FBXL17: variants seen among roughly 807,000 people sequenced by gnomAD.
The protein encoded by FBXL17 is F-box and leucine rich repeat protein 17.
A neutral mutation model predicts 66.2 loss-of-function variants in FBXL17; 22 were observed. The observed-to-expected ratio is 0.33, with a 90% confidence interval of 0.24 to 0.47. The LOEUF is 0.47. Ranked by LOEUF, FBXL17 falls within the 20% of genes least tolerant of loss-of-function variation. FBXL17 has a pLI of 1.00. For missense variants in FBXL17, 878 were observed against 948.2 expected, an observed-to-expected ratio of 0.93 and a Z score of 0.97; for synonymous variants, 474 against 400.5, an observed-to-expected ratio of 1.18 and a Z score of -2.19.
At chr5:108,236,971 T>C (rs370221601) in intron 4 of FBXL17, among the ~76,000 whole-genome samples, 19 of 152,284 alleles carry the variant, frequency 1.2e-4, no homozygotes, top group African/African-American at 4.3e-4. Flanking sequence ...GTTAGGAGTC[T>C]GTGGAATAGT....
At chr5:108,377,237 A>C (rs570332521) in intron 1 of FBXL17, among the ~76,000 whole-genome samples, 30 of 152,240 alleles carry the variant, frequency 2.0e-4, no homozygotes, top group African/African-American at 7.0e-4. Flanking sequence ...TCTCCCCTAC[A>C]CATGTGCATA....
At chr5:108,181,434 CA>C (rs1260930589) in intron 6 of FBXL17, among the ~76,000 whole-genome samples, 3 of 152,008 alleles carry the variant, frequency 2.0e-5, no homozygotes, top group Admixed American at 6.6e-5. Flanking sequence ...TCTCTAAACA[CA>C]AAAAGTGCTT....
chr5:107,990,180 C>A (rs768814596), intron 7 of FBXL17, among the ~76,000 whole-genome samples: 3 of 152,180 alleles, frequency 2.0e-5, no homozygotes, highest in Admixed American at 6.5e-5. Flanking sequence ...CCCTAACATT[C>A]CTTTTTCTTT....
chr5:108,298,146 G>A (rs1420353785), intron 4 of FBXL17: 1 of 971,822 alleles, frequency 1.0e-6, no homozygotes, highest in Non-Finnish European at 1.2e-6. Flanking sequence ...TTTCTTTTTA[G>A]GGAGCAAGAA....
intron 4 of FBXL17, among the ~76,000 whole-genome samples, chr5:108,274,006 T>C (rs1561500732): frequency 6.6e-6 from 1 of 152,130 alleles, no homozygotes; most frequent in South Asian, 2.1e-4. Context: ...GATAAAAAAG[T>C]GATTCAGGAA....
chr5:108,251,640 T>C (rs1357642048), intron 4 of FBXL17, among the ~76,000 whole-genome samples: 1 of 152,070 alleles, frequency 6.6e-6, no homozygotes, highest in Admixed American at 6.6e-5. Context: ...GAATGTAGAC[T>C]GCAAACACAA....
At chr5:107,870,742 T>C (rs1402034838) in intron 8 of FBXL17, among the ~76,000 whole-genome samples, 5 of 151,848 alleles carry the variant, frequency 3.3e-5, no homozygotes, top group African/African-American at 9.7e-5. Context: ...CGTGCCACCA[T>C]GCTCAGCTAC....
chr5:108,323,794 C>T (rs1035669419), intron 4 of FBXL17, among the ~76,000 whole-genome samples: 1 of 151,942 alleles, frequency 6.6e-6, no homozygotes, highest in Non-Finnish European at 1.5e-5. Context: ...CATAAAAAGT[C>T]AAATTATTTC....
chr5:107,885,949 T>TA (rs34249804), intron 7 of FBXL17, among the ~76,000 whole-genome samples: 77,250 of 149,316 alleles, frequency 0.52, 20,098 homozygotes, highest in East Asian at 0.6. Context: ...CTTCCCAAAA[T>TA]AAAAAAAAAA....
Position 108,382,055 on chromosome 5 carries a change from A to G in FBXL17, c.-364T>C, listed in dbSNP as rs573494914. ...GGAAAGGCCGGGTCCCGCTCGGACC[A>G]TTTTAACTGCGGATCCGCCGCCGGC... On this transcript the variant is annotated 5_prime_UTR_variant, in exon 1 of 9. The change abolishes an upstream ATG in the 5' untranslated region. Coordinates refer to ENST00000542267, the MANE Select transcript of FBXL17 (RefSeq NM_001163315.3). 9.5e-4 allele frequency: 789 copies of G among 829,316 alleles called. 1 individual carries two copies. Among genetic ancestry groups the G allele is most frequent in the Non-Finnish European group, 1.1e-3 (736 of 670,386 alleles). 51.4% of individuals were successfully genotyped at this position (829,316 alleles called of 1,614,324 possible). A position where few individuals can be genotyped will look rare whatever the true frequency, so the allele number is the denominator to read the frequency against.
chr5:108,017,064 C>A (rs1040310682), intron 7 of FBXL17, among the ~76,000 whole-genome samples: 1 of 152,058 alleles, frequency 6.6e-6, no homozygotes, highest in Non-Finnish European at 1.5e-5. Context: ...CAGGGATGAG[C>A]CACTATGCCT....
chr5:108,368,060 T>C (rs1748786638), intron 1 of FBXL17, 107 bp from the exon 2 acceptor site: 1 of 1,109,906 alleles, frequency 9.0e-7, no homozygotes, highest in East Asian at 2.6e-5. Flanking sequence ...GAAAACCTTC[T>C]TGAATAAAAG....
chr5:108,381,005 C>CCCG lies in FBXL17; in HGVS notation c.684_686dup (p.Gly231dup), dbSNP rs1749844908. On this transcript the variant is annotated inframe_insertion, in exon 1 of 9. Coordinates refer to ENST00000542267, the MANE Select transcript of FBXL17 (RefSeq NM_001163315.3). ...AAGCGCCTCCCCCCGCAGGCCCTCC[C>CCCG]CCGCCACCGCCGCCGCCGCCGCCGC... is the stretch of plus-strand genomic sequence containing the variant. 5.0e-6 allele frequency: 6 copies of CCCG among 1,193,066 alleles called. No homozygotes were observed. The highest frequency in any genetic ancestry group is 8.3e-5 in the South Asian group (2 of 24,052). 73.9% of individuals were successfully genotyped at this position (1,193,066 alleles called of 1,614,324 possible). A position where few individuals can be genotyped will look rare whatever the true frequency, so the allele number is the denominator to read the frequency against.
rs77537099 is a variant in FBXL17, at chr5:108,233,015, T to C, written c.1507-8787A>G. On this transcript the variant is annotated intron_variant, in intron 4 of 8. Transcript: ENST00000542267. ...AACATAAGTATTGTATGGACATATA[T>C]TTTCATTTCTCTTGAGTAAATATCT... 2.3e-4 allele frequency among the ~76,000 whole-genome samples: 35 copies of C among 151,758 alleles called. No individual in the cohort carries two copies. The East Asian group carries it at 6.6e-3, about 29-fold the overall frequency.
chr5:107,975,697 GA>G (rs1322934446), intron 7 of FBXL17, among the ~76,000 whole-genome samples: 1 of 152,000 alleles, frequency 6.6e-6, no homozygotes, highest in African/African-American at 2.4e-5. Flanking sequence ...CTTATTAATT[GA>G]AATGGGTAGG....
chr5:108,005,950 G>A (rs1206775982), intron 7 of FBXL17, among the ~76,000 whole-genome samples: 1 of 152,174 alleles, frequency 6.6e-6, no homozygotes, highest in East Asian at 1.9e-4. Context: ...TGACTGCTGG[G>A]TGAACCGTGA....
intron 7 of FBXL17, among the ~76,000 whole-genome samples, chr5:107,973,727 C>A (rs762148958): frequency 3.3e-5 from 5 of 151,762 alleles, no homozygotes; most frequent in African/African-American, 4.8e-5. Context: ...AATTCCGTCA[C>A]CCAGGAAATA....
chr5:107,946,256 TATATATATATATATATATATATATATATA>T (rs1192825001), intron 7 of FBXL17, among the ~76,000 whole-genome samples: 25 of 16,478 alleles, frequency 1.5e-3, no homozygotes, highest in African/African-American at 6.9e-3. Flanking sequence ...AATCTCATTT[TATATATATATATATATATATATATATATA>T]TATATATATA....
At chr5:108,214,935 C>T (rs6879038) in intron 5 of FBXL17, among the ~76,000 whole-genome samples, 1 of 152,092 alleles carries the variant, frequency 6.6e-6, no homozygotes, top group Admixed American at 6.5e-5. Flanking sequence ...ATATTCTGGA[C>T]ATTTCATATA....
Sources: allele counts gnomAD v4.1 joint callset (sites outside exome capture counted in the v4.1 genomes callset), GRCh38; gene constraint gnomAD v4.1.1; transcripts MANE v1.5; gene names NCBI Gene and HGNC (gene_info 2026-07-23, HGNC 2026-07-21).